GRK3: variants seen among roughly 807,000 people sequenced by gnomAD.
GRK3 encodes G protein-coupled receptor kinase 3.
Under a neutral mutation model 95.7 loss-of-function variants are expected in GRK3, and 54 were observed. The observed-to-expected ratio is 0.56, with a 90% CI of 0.45 to 0.71. The LOEUF (loss-of-function observed/expected upper bound fraction) is 0.71. Among genes scored for constraint, GRK3 ranks in the 30% least tolerant of loss-of-function variants. The probability of loss-of-function intolerance (pLI) is 0.00; values close to 1 mark genes in which losing one functional copy is unlikely to be tolerated. For synonymous variants in GRK3, 281 were observed against 290.8 expected, an observed-to-expected ratio of 0.97 and a Z score of 0.34; for missense variants, 649 against 851.2, an observed-to-expected ratio of 0.76 and a Z score of 2.96.
At chr22:25,675,306 C>T (rs1355561172) in intron 8 of GRK3, among the ~76,000 whole-genome samples, 1 of 152,120 alleles carries the variant, frequency 6.6e-6, no homozygotes, top group East Asian at 1.9e-4. Flanking sequence ...GAGGAGGAAG[C>T]CCTGTGGACA....
chr22:25,663,420 T>G (rs533377257), intron 4 of GRK3, among the ~76,000 whole-genome samples: 1 of 152,214 alleles, frequency 6.6e-6, no homozygotes, highest in Non-Finnish European at 1.5e-5. Flanking sequence ...CTTCTGGGCA[T>G]GTATCTAAGA....
chr22:25,691,480 G>A (rs16980567), intron 12 of GRK3, among the ~76,000 whole-genome samples: 17,741 of 152,204 alleles, frequency 0.12, 2,734 homozygotes, highest in African/African-American at 0.36. Context: ...GAATAGCACC[G>A]TTTCTGTAAA....
intron 2 of GRK3, among the ~76,000 whole-genome samples, chr22:25,616,995 A>G (rs930244032): frequency 9.2e-5 from 14 of 152,180 alleles, no homozygotes; most frequent in African/African-American, 2.4e-4. Context: ...TGCTAGATGA[A>G]CAGAGAAGAT....
intron 1 of GRK3, among the ~76,000 whole-genome samples, chr22:25,582,070 A>G (rs1163650617): frequency 6.6e-6 from 1 of 152,136 alleles, no homozygotes; most frequent in Admixed American, 6.5e-5. Flanking sequence ...TGAGGTCAGG[A>G]GTTCGAGACC....
Position 25,565,149 on chromosome 22 carries a change from C to T in GRK3, c.109C>T (p.Pro37Ser), listed in dbSNP as rs1459497611. 6.6e-7 allele frequency: 1 copy of T among 1,514,012 alleles called. No individual in the cohort carries two copies. Among genetic ancestry groups the T allele is most frequent in the Non-Finnish European group, 8.8e-7 (1 of 1,131,272 alleles). The allele number at this position is 1,514,012 out of a possible 1,614,324, so 93.8% of individuals were successfully genotyped here. A position where few individuals can be genotyped will look rare whatever the true frequency, so the allele number is the denominator to read the frequency against. ...CAGCAAGAGGATCGTCCTGCCGGAG[C>T]CCAGGTACCAGCTGCCCCGGCCGGC... Reference protein sequence around the residue: ...RASKRIVLPEPSIRSVMQKYL... With the variant: ...RASKRIVLPESSIRSVMQKYL... Residue 37 changes from proline to serine, a missense_variant, in exon 1 of 21, where the codon CCC becomes TCC. Pro to Ser is a moderately conservative substitution (Grantham distance 74). This residue lies in a region of GRK3 where 206 missense variants were observed against 231.4 expected (regional missense o/e 0.89). Transcript: ENST00000324198.
chr22:25,684,168 A>T (rs6004740), intron 9 of GRK3, among the ~76,000 whole-genome samples: 60 of 152,270 alleles, frequency 3.9e-4, no homozygotes, highest in African/African-American at 1.4e-3. Flanking sequence ...GTGACCATTT[A>T]TGTGTGGGCC....
At chr22:25,612,850 TAA>T (rs529309150) in intron 2 of GRK3, among the ~76,000 whole-genome samples, 2,642 of 136,076 alleles carry the variant, frequency 0.019, 78 homozygotes, top group African/African-American at 0.068. Flanking sequence ...CTCTAAAAGT[TAA>T]AAAAAAAAAA....
At chr22:25,569,214 TTTCTA>T (rs976794232) in intron 1 of GRK3, among the ~76,000 whole-genome samples, 7 of 152,234 alleles carry the variant, frequency 4.6e-5, no homozygotes, top group African/African-American at 1.7e-4. Context: ...GATAGGAGTG[TTTCTA>T]TGTGTAAGAA....
chr22:25,571,990 A>G (rs921614234), intron 1 of GRK3, among the ~76,000 whole-genome samples: 3 of 151,872 alleles, frequency 2.0e-5, no homozygotes, highest in African/African-American at 7.3e-5. Flanking sequence ...TATTTCTCCC[A>G]ATGCTATCCC....
Position 25,728,279 on chromosome 22 carries a change from A to G in GRK3, c.*5829A>G, listed in dbSNP as rs2146486180. On this transcript the variant is annotated 3_prime_UTR_variant, in exon 21 of 21. Coordinates refer to ENST00000324198, the MANE Select transcript of GRK3 (RefSeq NM_005160.4). ...CATGTCTTTCGTCACGTCGGGCAGC[A>G]CACCTGCTGTGAAATACTGCTTTCA... 1 of 152,360 alleles carries G rather than the reference A, an allele frequency of 6.6e-6. No individual in the cohort carries two copies. Among genetic ancestry groups the G allele is most frequent in the Middle Eastern group, 3.4e-3 (1 of 294 alleles). The allele number at this position is 152,360 out of a possible 1,614,324, so 9.4% of individuals were successfully genotyped here.
chr22:25,654,099 AG>A (rs1424541002), intron 3 of GRK3, among the ~76,000 whole-genome samples: 1 of 152,254 alleles, frequency 6.6e-6, no homozygotes, highest in East Asian at 1.9e-4. Flanking sequence ...CTCTGACAAT[AG>A]AATTAAGCTC....
Position 25,704,095 on chromosome 22 carries a change from C to T in GRK3, c.1228-14C>T, listed in dbSNP as rs756724522. On this transcript the variant is annotated splice_polypyrimidine_tract_variant and intron_variant, in intron 14 of 20. Coordinates refer to ENST00000324198, the MANE Select transcript of GRK3 (RefSeq NM_005160.4). Reference sequence around the variant, plus strand: ...ATGAACGGATTTTTGAAATCTTACTCGTCTTTTCCCCAGAATGTGGAACTT... The same window carrying T: ...ATGAACGGATTTTTGAAATCTTACTTGTCTTTTCCCCAGAATGTGGAACTT... 6 of 1,597,180 alleles carry T rather than the reference C, an allele frequency of 3.8e-6. No individual in the cohort carries two copies. Among genetic ancestry groups the T allele is most frequent in the East Asian group, 4.5e-5 (2 of 44,700 alleles).
intron 2 of GRK3, among the ~76,000 whole-genome samples, chr22:25,619,650 GTT>G (rs536273282): frequency 1.9e-5 from 2 of 107,926 alleles, no homozygotes; most frequent in Non-Finnish European, 1.8e-5. Context: ...TACCTGGCTA[GTT>G]TTTTTTTTTT....
chr22:25,718,428 T>A, intron 19 of GRK3, 47 bp downstream of exon 19: 1 of 1,588,358 alleles, frequency 6.3e-7, no homozygotes, highest in Non-Finnish European at 8.6e-7. Context: ...GTACGTACAA[T>A]GGCATATGGT....
Position 25,634,215 on chromosome 22 carries a change from C to G in GRK3, c.191-10377C>G, listed in dbSNP as rs2084683918. Among the ~76,000 whole-genome samples, 8 of 152,196 alleles carry G rather than the reference C, an allele frequency of 5.3e-5. No individual in the cohort carries two copies. In the South Asian group the frequency reaches 1.7e-3, roughly 31 times the overall value. ...ATGTACTAATATTAGGGAAACCTAA[C>G]ACCTGTTTTGTTAATTTGTTCACAT... On this transcript the variant is annotated intron_variant, in intron 2 of 20. Transcript: ENST00000324198.
chr22:25,581,895 C>T (rs1324927057), intron 1 of GRK3, among the ~76,000 whole-genome samples: 2 of 151,870 alleles, frequency 1.3e-5, no homozygotes, highest in Non-Finnish European at 2.9e-5. Context: ...CAATGTAAGT[C>T]TCTCTTATTA....
chr22:25,712,361 C>G (rs2085350701), intron 17 of GRK3, among the ~76,000 whole-genome samples: 1 of 152,202 alleles, frequency 6.6e-6, no homozygotes, highest in Admixed American at 6.5e-5. Flanking sequence ...GTAGCCGGAA[C>G]CATTGATACC....
Position 25,722,537 on chromosome 22 carries a change from C to A in GRK3, c.*87C>A. On this transcript the variant is annotated 3_prime_UTR_variant, in exon 21 of 21. Coordinates refer to ENST00000324198, the MANE Select transcript of GRK3 (RefSeq NM_005160.4). ...ACGAGGATGAGGCATCTGATCTATT[C>A]GCTACCGGGACTCCTCCAGGCTCCC... is the stretch of plus-strand genomic sequence containing the variant. 1.4e-6 allele frequency: 2 copies of A among 1,431,708 alleles called. No individual in the cohort carries two copies. The highest frequency in any genetic ancestry group is 1.9e-5 in the Admixed American group (1 of 52,030). 88.7% of individuals were successfully genotyped at this position (1,431,708 alleles called of 1,614,324 possible).
At chr22:25,698,361 A>G (rs532110326) in intron 13 of GRK3, among the ~76,000 whole-genome samples, 61 of 152,304 alleles carry the variant, frequency 4.0e-4, no homozygotes, top group African/African-American at 1.4e-3. Context: ...GAGAGTAGCT[A>G]TTGATATACA....
Sources: gnomAD v4.1 joint callset for allele counts (sites outside exome capture counted in the v4.1 genomes callset) on GRCh38, gnomAD v4.1.1 for gene constraint, gnomAD v4.1.1 regional missense constraint, MANE v1.5 for transcripts, NCBI Gene and HGNC (gene_info 2026-07-23, HGNC 2026-07-21) for gene names.